ITGB3BP: variants seen among roughly 807,000 people sequenced by gnomAD.
ITGB3BP encodes the protein integrin subunit beta 3 binding protein.
Under a neutral mutation model 29.1 loss-of-function variants are expected in ITGB3BP, and 27 were observed. That is an observed-to-expected ratio of 0.93 (90% confidence interval 0.68 to 1.28). The LOEUF is 1.28. Ranked by LOEUF, ITGB3BP falls within the 50% of genes most tolerant of loss-of-function variation. The pLI, the probability that ITGB3BP is intolerant of heterozygous loss-of-function variation, is 0.00. For missense variants in ITGB3BP, 192 were observed against 200.2 expected, an observed-to-expected ratio of 0.96 and a Z score of 0.25; for synonymous variants, 61 against 61.4, an observed-to-expected ratio of 0.99 and a Z score of 0.03.
At chr1:63,486,242 A>AT (rs1645527466) in intron 3 of ITGB3BP, among the ~76,000 whole-genome samples, 3 of 152,084 alleles carry the variant, frequency 2.0e-5, no homozygotes, top group Non-Finnish European at 4.4e-5. Context: ...TCATTATTAA[A>AT]TAACAAGTCC....
chr1:63,443,828 T>C (rs1299398635), intron 8 of ITGB3BP, among the ~76,000 whole-genome samples: 1 of 152,018 alleles, frequency 6.6e-6, no homozygotes, highest in East Asian at 1.9e-4. Context: ...ATATAATCCC[T>C]AGAAAGGTAG....
chr1:63,468,707 C>A (rs1645142099), intron 4 of ITGB3BP, among the ~76,000 whole-genome samples: 1 of 151,598 alleles, frequency 6.6e-6, no homozygotes, highest in Admixed American at 6.6e-5. Context: ...ACTAAAAATA[C>A]AAAATTAGCC....
intron 7 of ITGB3BP, among the ~76,000 whole-genome samples, chr1:63,448,162 C>T (rs1644812297): frequency 8.6e-6 from 1 of 115,668 alleles, no homozygotes; most frequent in Non-Finnish European, 1.7e-5. Flanking sequence ...GGGAACATCA[C>T]ACTCTGGGGA....
At chr1:63,477,611 A>G (rs1645363444) in intron 4 of ITGB3BP, among the ~76,000 whole-genome samples, 1 of 151,968 alleles carries the variant, frequency 6.6e-6, no homozygotes, top group South Asian at 2.1e-4. Flanking sequence ...TCTCAGCTAC[A>G]CAGGAGGCTG....
At position 63,501,689 on chromosome 1, in the gene ITGB3BP, T is replaced by TA. The variant is rs796621855; in HGVS notation, c.48+6838dup. On this transcript the variant is annotated intron_variant, in intron 2 of 8. Coordinates refer to ENST00000271002, the MANE Select transcript of ITGB3BP (RefSeq NM_014288.5). ...ACCAGCCTGGACAACATGGCAAAAC[T>TA]AAAAAAAAAATAGATACAAAAAATT... Among the ~76,000 whole-genome samples the TA allele has an allele frequency of 1.9e-3, 282 of 146,894 alleles. 2 individuals carry two copies. The highest frequency in any genetic ancestry group is 5.4e-3 in the African/African-American group (215 of 40,140).
intron 4 of ITGB3BP, among the ~76,000 whole-genome samples, chr1:63,462,373 C>T (rs1645031359): frequency 6.6e-6 from 1 of 152,190 alleles, no homozygotes. Flanking sequence ...TTCTTGTGCA[C>T]TCTTGGGATT....
Position 63,441,535 on chromosome 1 carries a change from C to T in ITGB3BP, c.*2-432G>A, listed in dbSNP as rs570010053. Among the ~76,000 whole-genome samples the T allele has an allele frequency of 2.6e-3, 399 of 152,284 alleles. 2 individuals carry two copies. Among genetic ancestry groups the T allele is most frequent in the Non-Finnish European group, 4.0e-3 (275 of 68,018 alleles). ...ACAGGCATGAGCCACTGTGCCCGGC[C>T]TTATTTGCTTTTTGATTATCTTCAC... is the stretch of plus-strand genomic sequence containing the variant. On this transcript the variant is annotated intron_variant, in intron 8 of 8. Coordinates refer to ENST00000271002, the MANE Select transcript of ITGB3BP (RefSeq NM_014288.5).
chr1:63,442,195 A>C (rs1570104278), intron 8 of ITGB3BP, among the ~76,000 whole-genome samples: 1 of 151,364 alleles, frequency 6.6e-6, no homozygotes. Context: ...AGTAGAGAAT[A>C]ATACTTCTCA....
chr1:63,478,819 AT>A lies in ITGB3BP; in HGVS notation c.198del (p.Lys66AsnfsTer2), dbSNP rs745764329. Reference sequence around the variant, plus strand: ...CTTTCAGTTAAACTGGGGTGATTCAATTTTTTTCTCTTTTCTATATATGTGT... The same window carrying A: ...CTTTCAGTTAAACTGGGGTGATTCAATTTTTTCTCTTTTCTATATATGTGT... ...RNGLSNEKRK[K>X]LNHPSLTESK... On this transcript the variant is annotated frameshift_variant, in exon 4 of 9. Transcript: ENST00000271002. LOFTEE classifies it high-confidence loss of function. 3.8e-5 allele frequency: 53 copies of A among 1,389,704 alleles called. No homozygotes were observed. The highest frequency in any genetic ancestry group is 4.5e-5 in the Non-Finnish European group (46 of 1,020,192). The allele number at this position is 1,389,704 out of a possible 1,614,324, so 86.1% of individuals were successfully genotyped here.
intron 3 of ITGB3BP, among the ~76,000 whole-genome samples, chr1:63,484,554 G>A (rs1289762454): frequency 1.3e-5 from 2 of 151,972 alleles, no homozygotes; most frequent in Non-Finnish European, 2.9e-5. Flanking sequence ...TAAAATTTTT[G>A]GAGGGCTGCC....
intron 4 of ITGB3BP, among the ~76,000 whole-genome samples, chr1:63,461,975 G>C (rs1645025220): frequency 6.6e-6 from 1 of 152,276 alleles, no homozygotes; most frequent in East Asian, 1.9e-4. Context: ...TGAATTTAAG[G>C]ACAGGTTTTT....
intron 3 of ITGB3BP, among the ~76,000 whole-genome samples, chr1:63,482,464 C>T (rs1337274131): frequency 6.6e-6 from 1 of 151,524 alleles, no homozygotes; most frequent in East Asian, 1.9e-4. Flanking sequence ...GGTGGTCAAA[C>T]AAAAGTTAGT....
intron 1 of ITGB3BP, among the ~76,000 whole-genome samples, chr1:63,522,422 T>TAA (rs1646473131): frequency 6.6e-6 from 1 of 152,156 alleles, no homozygotes; most frequent in African/African-American, 2.4e-5. Context: ...ATTACAGGTG[T>TAA]TTGATATCCA....
chr1:63,481,286 T>A (rs1219978809), intron 3 of ITGB3BP, among the ~76,000 whole-genome samples: 1 of 152,136 alleles, frequency 6.6e-6, no homozygotes, highest in East Asian at 1.9e-4. Context: ...TGGAAGGACT[T>A]ATGATTTTAA....
At position 63,493,395 on chromosome 1, in the gene ITGB3BP, A is replaced by G. The variant is rs1273166660; in HGVS notation, c.49-3177T>C. On this transcript the variant is annotated intron_variant, in intron 2 of 8. Transcript: ENST00000271002. ...ACGCCACCGCACTCTAGCCTGGGCGACACAGGGAGATTCTGTCTCAAAAAA... is the reference window on the plus strand; with the variant it reads ...ACGCCACCGCACTCTAGCCTGGGCGGCACAGGGAGATTCTGTCTCAAAAAA... 2.0e-5 allele frequency among the ~76,000 whole-genome samples: 3 copies of G among 151,656 alleles called. No individual in the cohort carries two copies. In the East Asian group the frequency reaches 5.8e-4, roughly 29 times the overall value.
intron 2 of ITGB3BP, among the ~76,000 whole-genome samples, chr1:63,500,550 A>C (rs1292900285): frequency 6.6e-6 from 1 of 152,210 alleles, no homozygotes; most frequent in South Asian, 2.1e-4. Context: ...AAAGAATAAA[A>C]TACTTAGGAA....
intron 2 of ITGB3BP, among the ~76,000 whole-genome samples, chr1:63,499,309 C>G (rs1377692135): frequency 6.6e-6 from 1 of 151,996 alleles, no homozygotes; most frequent in Admixed American, 6.6e-5. Flanking sequence ...GCCACCATGC[C>G]TGGCTAATTT....
At chr1:63,511,778 G>C (rs1002711225) in intron 1 of ITGB3BP, among the ~76,000 whole-genome samples, 4 of 151,962 alleles carry the variant, frequency 2.6e-5, no homozygotes, top group African/African-American at 9.7e-5. Flanking sequence ...AGGGGCTAGA[G>C]GGAGTGAGGA....
intron 4 of ITGB3BP, among the ~76,000 whole-genome samples, chr1:63,473,507 G>T (rs1393774571): frequency 7.1e-6 from 1 of 141,388 alleles, no homozygotes; most frequent in Non-Finnish European, 1.6e-5. Flanking sequence ...CAGCCGCCCA[G>T]TCCGGGAGGG....
Sources: gnomAD v4.1 joint callset for allele counts (sites outside exome capture counted in the v4.1 genomes callset) on GRCh38, gnomAD v4.1.1 for gene constraint, MANE v1.5 for transcripts, NCBI Gene and HGNC (gene_info 2026-07-23, HGNC 2026-07-21) for gene names.